The following MAGEE1 variants were observed in gnomAD, a reference collection of about 807,000 sequenced individuals.
MAGEE1 encodes melanoma-associated antigen E1.
In MAGEE1, 3 loss-of-function variants were observed where a neutral mutation model predicts 12.0. The observed-to-expected ratio is 0.25, with a 90% CI of 0.11 to 0.65. The LOEUF (loss-of-function observed/expected upper bound fraction) is 0.65. Ranked by LOEUF, MAGEE1 falls within the 30% of genes least tolerant of loss-of-function variation. The pLI is 0.84. For missense variants in MAGEE1, 729 were observed against 772.2 expected, an observed-to-expected ratio of 0.94 and a Z score of 0.66; for synonymous variants, 414 against 326.1, an observed-to-expected ratio of 1.27 and a Z score of -2.91.
In MAGEE1 at chrX:76,429,005, A is replaced by G. The variant is rs1556839567; in HGVS notation, c.1075A>G (p.Ile359Val). 6 of 1,210,102 alleles carry G rather than the reference A, an allele frequency of 5.0e-6. No individual in the cohort carries two copies. The highest frequency in any genetic ancestry group is 2.2e-5 in the Admixed American group (1 of 45,992). The change falls in exon 1 of 1, where the codon ATC (isoleucine) becomes GTC (valine). Residue 359 changes from isoleucine (I) to valine (V), a missense_variant. Physicochemically the swap from Ile to Val is conservative, Grantham distance 29. This residue lies in a region of MAGEE1 where 473 missense variants were observed against 423.7 expected (regional missense o/e 1.12). Coordinates refer to ENST00000361470, the MANE Select transcript of MAGEE1 (RefSeq NM_020932.3). ...GEGPSTSVLP[I>V]PGEGLSTSVP... ...GGGACCAAGCACTTCCGTACTGCCA[A>G]TCCCCGGTGAGGGACTGAGCACCTC...
Position 76,429,312 on chromosome X carries a change from T to A in MAGEE1, c.1382T>A (p.Val461Asp), listed in dbSNP as rs1556839643. ...KGAEGPIEFE[V>D]LRDCESPNSI... ...GCAGAAGGCCCTATAGAATTCGAGG[T>A]CCTGAGAGACTGTGAGAGCCCCAAC... is the stretch of plus-strand genomic sequence containing the variant. Residue 461 changes from valine to aspartate, a missense_variant, in exon 1 of 1, where the codon GTC becomes GAC. By Grantham distance (152) the Val-to-Asp change is radical. This residue lies in a region of MAGEE1 where 473 missense variants were observed against 423.7 expected (regional missense o/e 1.12). Coordinates refer to ENST00000361470, the MANE Select transcript of MAGEE1 (RefSeq NM_020932.3). 1.7e-5 allele frequency: 20 copies of A among 1,210,883 alleles called. No homozygotes were observed. Among genetic ancestry groups the A allele is most frequent in the Non-Finnish European group, 2.1e-5 (19 of 895,234 alleles).
chrX:76,428,655 A>G lies in MAGEE1; in HGVS notation c.725A>G (p.Glu242Gly), dbSNP rs1923289465. Residue 242 changes from glutamate to glycine, a missense_variant, in exon 1 of 1, where the codon GAG (glutamate) becomes GGG (glycine). Glu to Gly is a moderately conservative substitution (Grantham distance 98). Around this residue, in one of 4 missense-constraint regions of MAGEE1, gnomAD observed 473 missense variants for 423.7 expected, o/e 1.12. Coordinates refer to ENST00000361470, the MANE Select transcript of MAGEE1 (RefSeq NM_020932.3). ...PSTSVPPTAT[E>G]GLSTPVPPTR... ...ACCTCCGTGCCGCCCACCGCCACTG[A>G]GGGCCTAAGCACCCCCGTGCCACCC... The G allele has an allele frequency of 2.5e-6, 3 of 1,205,316 alleles. No homozygotes were observed. Among genetic ancestry groups the G allele is most frequent in the Non-Finnish European group, 3.4e-6 (3 of 893,065 alleles).
chrX:76,428,155 C>T lies in MAGEE1; in HGVS notation c.225C>T (p.Gly75=). 1.7e-6 allele frequency: 2 copies of T among 1,203,722 alleles called. No homozygotes were observed. The highest frequency in any genetic ancestry group is 2.2e-6 in the Non-Finnish European group (2 of 891,605). Residue 75 remains glycine, a synonymous_variant, in exon 1 of 1, where the codon GGC becomes GGT. Transcript: ENST00000361470. ...STSVLPTSAE[G]PSTFVPPTIS... ...CCGTTCTGCCCACCTCCGCTGAGGGCCCAAGCACCTTTGTGCCGCCCACCA... is the reference window on the plus strand; with the variant it reads ...CCGTTCTGCCCACCTCCGCTGAGGGTCCAAGCACCTTTGTGCCGCCCACCA...
In MAGEE1 at chrX:76,428,719, T is replaced by A. The variant is rs782022863; in HGVS notation, c.789T>A (p.Thr263=). ...DEGPSTSVPA[T]PGEGPSTSVL... ...GACCGAGCACCTCCGTGCCGGCCACTCCTGGTGAGGGACCGAGCACCTCCG... is the reference window on the plus strand; with the variant it reads ...GACCGAGCACCTCCGTGCCGGCCACACCTGGTGAGGGACCGAGCACCTCCG... Residue 263 remains threonine (T), a synonymous_variant, in exon 1 of 1, where the codon ACT becomes ACA. Coordinates refer to ENST00000361470, the MANE Select transcript of MAGEE1 (RefSeq NM_020932.3). 1 of 1,187,170 alleles carries A rather than the reference T, an allele frequency of 8.4e-7. No individual in the cohort carries two copies. Among genetic ancestry groups the A allele is most frequent in the Non-Finnish European group, 1.1e-6 (1 of 885,705 alleles).
In MAGEE1 at chrX:76,427,942, A is replaced by G. The variant is rs1556839069; in HGVS notation, c.12A>G (p.Val4=). ...CGGTGGGCAGGACCATGTCTCTGGT[A>G]AGCCAGAATTCGCGCCGCCGCCGCC... The part of the protein sequence containing the change: MSL[V]SQNSRRRRRR... The change falls in exon 1 of 1, where the codon GTA becomes GTG. Residue 4 remains valine, a synonymous_variant. Coordinates refer to ENST00000361470, the MANE Select transcript of MAGEE1 (RefSeq NM_020932.3). 1.7e-6 allele frequency: 2 copies of G among 1,197,433 alleles called. No homozygotes were observed.
Position 76,428,893 on chromosome X carries a change from G to A in MAGEE1, c.963G>A (p.Pro321=). 1.7e-6 allele frequency: 2 copies of A among 1,209,440 alleles called. No individual in the cohort carries two copies. The highest frequency in any genetic ancestry group is 2.2e-6 in the Non-Finnish European group (2 of 894,649). ...TAGEGSSTSV[P]PTPGGGLSTS... ...GTGAGGGATCGAGCACCTCCGTGCC[G>A]CCCACCCCTGGTGGGGGACTGAGCA... The change falls in exon 1 of 1, where the codon CCG becomes CCA. Residue 321 remains proline (P), a synonymous_variant. Coordinates refer to ENST00000361470, the MANE Select transcript of MAGEE1 (RefSeq NM_020932.3).
chrX:76,429,067 C>T lies in MAGEE1; in HGVS notation c.1137C>T (p.Ser379=), dbSNP rs782440229. Residue 379 remains serine, a synonymous_variant, in exon 1 of 1, where the codon TCC becomes TCT. Coordinates refer to ENST00000361470, the MANE Select transcript of MAGEE1 (RefSeq NM_020932.3). ...CCGCCTCTGATGGATCGGACACCTC[C>T]GTGCCGCCCACTCCTGGTGAGGGCG... is the stretch of plus-strand genomic sequence containing the variant. ...PPTASDGSDT[S]VPPTPGEGAS... is the part of the protein sequence containing the mutation. 42 of 1,211,109 alleles carry T rather than the reference C, an allele frequency of 3.5e-5. No homozygotes were observed. In the Admixed American group the frequency reaches 8.3e-4, roughly 24 times the overall value.
chrX:76,430,031 G>A lies in MAGEE1; in HGVS notation c.2101G>A (p.Glu701Lys). ...AGAAGATGCTGCCAGAGCCTTTGCT[G>A]AGGGTTGGCAGGCTCTCCCTCACTT... ...LEEDAARAFA[E>K]GWQALPHFRR... Residue 701 changes from glutamate to lysine, a missense_variant, in exon 1 of 1, where the codon GAG (glutamate) becomes AAG (lysine). Glu to Lys is a moderately conservative substitution (Grantham distance 56). Around this residue, in one of 4 missense-constraint regions of MAGEE1, gnomAD observed 64 missense variants for 53.4 expected, o/e 1.20. Coordinates refer to ENST00000361470, the MANE Select transcript of MAGEE1 (RefSeq NM_020932.3). 8.3e-7 allele frequency: 1 copy of A among 1,209,244 alleles called. No individual in the cohort carries two copies.
chrX:76,427,953 C>T lies in MAGEE1; in HGVS notation c.23C>T (p.Ser8Leu). The T allele has an allele frequency of 8.3e-7, 1 of 1,200,275 alleles. No homozygotes were observed. The highest frequency in any genetic ancestry group is 1.1e-6 in the Non-Finnish European group (1 of 890,571). MSLVSQN[S>L]RRRRRRVAKA... ...ACCATGTCTCTGGTAAGCCAGAATT[C>T]GCGCCGCCGCCGCCGCCGCGTTGCA... The change falls in exon 1 of 1, where the codon TCG becomes TTG. Residue 8 changes from serine (S) to leucine (L), a missense_variant. Ser to Leu is a moderately radical substitution (Grantham distance 145, BLOSUM62 -2). Around this residue, in one of 4 missense-constraint regions of MAGEE1, gnomAD observed 473 missense variants for 423.7 expected, o/e 1.12. Transcript: ENST00000361470.
At position 76,429,718 on chromosome X, in the gene MAGEE1, C is replaced by T; in HGVS notation, c.1788C>T (p.Asn596=). ...TAGGCCAAATATTCCTGAATGGCAA[C>T]CAAGCCAAGGAGGCTGAGATTTGGG... ...MILGQIFLNG[N]QAKEAEIWEM... is the part of the protein sequence containing the mutation. Residue 596 remains asparagine (N), a synonymous_variant, in exon 1 of 1, where the codon AAC becomes AAT. Coordinates refer to ENST00000361470, the MANE Select transcript of MAGEE1 (RefSeq NM_020932.3). 1 of 1,211,052 alleles carries T rather than the reference C, an allele frequency of 8.3e-7. No individual in the cohort carries two copies. The highest frequency in any genetic ancestry group is 1.1e-6 in the Non-Finnish European group (1 of 895,343).
At position 76,431,205 on chromosome X, in the gene MAGEE1, T is replaced by C. The variant is rs1203801061; in HGVS notation, c.*401T>C. The C allele has an allele frequency of 4.5e-5, 6 of 134,302 alleles. No individual in the cohort carries two copies. Among genetic ancestry groups the C allele is most frequent in the Non-Finnish European group, 3.3e-5 (2 of 60,886 alleles). 11.1% of individuals were successfully genotyped at this position (134,302 alleles called of 1,213,427 possible). A position where few individuals can be genotyped will look rare whatever the true frequency, so the allele number is the denominator to read the frequency against. ...AAAGTGATAAACTAACAAACAAATA[T>C]AACAACAACTGAAAAGGCACTCTAA... On this transcript the variant is annotated 3_prime_UTR_variant, in exon 1 of 1. Coordinates refer to ENST00000361470, the MANE Select transcript of MAGEE1 (RefSeq NM_020932.3).
rs1556839628 is a variant in MAGEE1 at position 76,429,217 on chromosome X, T to G, written c.1287T>G (p.Cys429Trp). The G allele has an allele frequency of 1.7e-6, 2 of 1,211,886 alleles. No individual in the cohort carries two copies. Among genetic ancestry groups the G allele is most frequent in the South Asian group, 1.8e-5 (1 of 56,974 alleles). ...CTGTGGACCGGAACCCCTCCAAGTG[T>G]TCCCTTGTTTTGCCAAGCCCTAGGG... ...SASVDRNPSK[C>W]SLVLPSPRVT... Residue 429 changes from cysteine (C) to tryptophan (W), a missense_variant, in exon 1 of 1, where the codon TGT becomes TGG. Coordinates refer to ENST00000361470, the MANE Select transcript of MAGEE1 (RefSeq NM_020932.3).
In MAGEE1 at chrX:76,429,033, T is replaced by C; in HGVS notation, c.1103T>C (p.Val368Ala). 1 of 1,211,862 alleles carries C rather than the reference T, an allele frequency of 8.3e-7. No homozygotes were observed. The highest frequency in any genetic ancestry group is 1.1e-6 in the Non-Finnish European group (1 of 895,521). Residue 368 changes from valine to alanine, a missense_variant, in exon 1 of 1, where the codon GTG becomes GCG. Coordinates refer to ENST00000361470, the MANE Select transcript of MAGEE1 (RefSeq NM_020932.3). ...PIPGEGLSTSVPPTASDGSDT... is the reference protein window; with the variant it reads ...PIPGEGLSTSAPPTASDGSDT... ...CCCGGTGAGGGACTGAGCACCTCTG[T>C]GCCGCCCACCGCCTCTGATGGATCG...
Position 76,430,487 on chromosome X carries a change from A to G in MAGEE1, c.2557A>G (p.Arg853Gly). The change falls in exon 1 of 1, where the codon AGG becomes GGG. Residue 853 changes from arginine to glycine, a missense_variant. Physicochemically the swap from Arg to Gly is moderately radical, Grantham distance 125. Coordinates refer to ENST00000361470, the MANE Select transcript of MAGEE1 (RefSeq NM_020932.3). Reference sequence around the variant, plus strand: ...CATCTTTATTATGGGCAACCATGCCAGGGAGTCTGCAGTCTGGGCCTTTCT... The same window carrying G: ...CATCTTTATTATGGGCAACCATGCCGGGGAGTCTGCAGTCTGGGCCTTTCT... ...SFIFIMGNHA[R>G]ESAVWAFLRG... 8.3e-7 allele frequency: 1 copy of G among 1,208,998 alleles called. No individual in the cohort carries two copies. The highest frequency in any genetic ancestry group is 1.1e-6 in the Non-Finnish European group (1 of 894,207).
rs146995693 is a variant in MAGEE1 at position 76,428,304 on chromosome X, G to A, written c.374G>A (p.Cys125Tyr). 8.8e-3 allele frequency: 10,621 copies of A among 1,209,800 alleles called. 50 individuals carry two copies. Among genetic ancestry groups the A allele is most frequent in the Non-Finnish European group, 0.01 (9,143 of 894,965 alleles). Residue 125 changes from cysteine (C) to tyrosine (Y), a missense_variant, in exon 1 of 1, where the codon TGC becomes TAC. This residue lies in a region of MAGEE1 where 473 missense variants were observed against 423.7 expected (regional missense o/e 1.12). Coordinates refer to ENST00000361470, the MANE Select transcript of MAGEE1 (RefSeq NM_020932.3). ...CCTCCCACCATCTCTAAGGGGCTGTGCACCTCTGTGACGCTTGCCGCCTCT... is the reference window on the plus strand; with the variant it reads ...CCTCCCACCATCTCTAAGGGGCTGTACACCTCTGTGACGCTTGCCGCCTCT... ...SGPPTISKGL[C>Y]TSVTLAASEG...
chrX:76,428,383 C>G lies in MAGEE1; in HGVS notation c.453C>G (p.Ser151=), dbSNP rs782457028. The change falls in exon 1 of 1, where the codon TCC becomes TCG. Residue 151 remains serine (S), a synonymous_variant. Transcript: ENST00000361470. ...CTTCCTCTGAGGAACCTAGCACCTC[C>G]GTGCCGCCCACCGCCTCTGAGGTAC... ...PPTSSEEPST[S]VPPTASEVPS... is the part of the protein sequence containing the mutation. 2 of 1,211,512 alleles carry G rather than the reference C, an allele frequency of 1.7e-6. No individual in the cohort carries two copies. The highest frequency in any genetic ancestry group is 1.8e-5 in the South Asian group (1 of 57,038).
Position 76,428,128 on chromosome X carries a change from C to G in MAGEE1, c.198C>G (p.Thr66=), listed in dbSNP as rs184970653. 1 of 1,194,965 alleles carries G rather than the reference C, an allele frequency of 8.4e-7. No individual in the cohort carries two copies. Among genetic ancestry groups the G allele is most frequent in the Non-Finnish European group, 1.1e-6 (1 of 887,275 alleles). Residue 66 remains threonine, a synonymous_variant, in exon 1 of 1, where the codon ACC becomes ACG. Transcript: ENST00000361470. ...TCTGCGCCTCTGAGGGCCCAAGCAC[C>G]TCCGTTCTGCCCACCTCCGCTGAGG... The part of the protein sequence containing the change: ...QGLCASEGPS[T]SVLPTSAEGP...
chrX:76,427,985 A>G lies in MAGEE1; in HGVS notation c.55A>G (p.Thr19Ala), dbSNP rs1282449101. Residue 19 changes from threonine to alanine, a missense_variant, in exon 1 of 1, where the codon ACT (threonine) becomes GCT (alanine). This residue lies in a region of MAGEE1 where 473 missense variants were observed against 423.7 expected (regional missense o/e 1.12). Transcript: ENST00000361470. ...CCGCCGCCGCCGCGTTGCAAAGGCT[A>G]CTGCGCACAACAGCAGCTGGGGCGA... ...RRRRRRVAKA[T>A]AHNSSWGEMQ... 3.3e-6 allele frequency: 4 copies of G among 1,206,844 alleles called. No individual in the cohort carries two copies. The highest frequency in any genetic ancestry group is 4.5e-6 in the Non-Finnish European group (4 of 893,704).
chrX:76,428,485 C>T lies in MAGEE1; in HGVS notation c.555C>T (p.Ser185=). The T allele has an allele frequency of 8.3e-7, 1 of 1,210,700 alleles. No homozygotes were observed. Among genetic ancestry groups the T allele is most frequent in the African/African-American group, 1.7e-5 (1 of 57,632 alleles). Residue 185 remains serine (S), a synonymous_variant, in exon 1 of 1, where the codon AGC becomes AGT. Coordinates refer to ENST00000361470, the MANE Select transcript of MAGEE1 (RefSeq NM_020932.3). ...SVPPTAYEGP[S]TSVVPTPDEG... ...CGCCCACAGCCTATGAGGGACCAAG[C>T]ACCTCCGTGGTGCCCACCCCTGATG...
Sources: allele counts gnomAD v4.1 joint callset, GRCh38; gene constraint gnomAD v4.1.1; regional missense constraint gnomAD v4.1.1; transcripts MANE v1.5; gene names NCBI Gene and HGNC (gene_info 2026-07-23, HGNC 2026-07-21).